The following SAFB variants were observed in gnomAD, a reference collection of about 807,000 sequenced individuals.
SAFB encodes scaffold attachment factor B, also known as scaffold attachment factor B1.
SAFB carries 15 observed loss-of-function variants against 101.6 expected under a neutral mutation model. The observed-to-expected ratio is 0.15, with a 90% CI of 0.10 to 0.23. The LOEUF (loss-of-function observed/expected upper bound fraction) is 0.23. Among genes scored for constraint, SAFB ranks in the 10% least tolerant of loss-of-function variants. The pLI is 1.00. For synonymous variants in SAFB, 449 were observed against 407.5 expected, an observed-to-expected ratio of 1.10 and a Z score of -1.23; for missense variants, 930 against 1,104.1, an observed-to-expected ratio of 0.84 and a Z score of 2.23.
intron 2 of SAFB, among the ~76,000 whole-genome samples, chr19:5,628,945 G>GT (rs775187360): frequency 7.9e-5 from 12 of 152,110 alleles, no homozygotes; most frequent in Non-Finnish European, 1.3e-4. Context: ...TTTTTGTTTT[G>GT]TTTTTGAGGT....
rs759522135 is a variant in SAFB, at chr19:5,649,942, T to G, written c.1165T>G (p.Ser389Ala). Residue 389 changes from serine to alanine, a missense_variant, in exon 8 of 21, where the codon TCG becomes GCG. Ser to Ala is a moderately conservative substitution (Grantham distance 99, BLOSUM62 1). Coordinates refer to ENST00000588852, the MANE Select transcript of SAFB (RefSeq NM_001201338.2). ...DQKMSSPEDD[S>A]DTKRLSKEEK... is the part of the protein sequence containing the mutation. The stretch of plus-strand genomic sequence containing the variant: ...TGTCTCTAGTTCTCCCGAAGATGAC[T>G]CGGATACAAAAAGGCTTTCCAAAGA... The G allele has an allele frequency of 1.2e-6, 2 of 1,614,072 alleles. No individual in the cohort carries two copies. Among genetic ancestry groups the G allele is most frequent in the Admixed American group, 3.3e-5 (2 of 60,024 alleles).
chr19:5,634,945 C>T (rs1277640475), intron 2 of SAFB, among the ~76,000 whole-genome samples: 1 of 152,004 alleles, frequency 6.6e-6, no homozygotes, highest in South Asian at 2.1e-4. Context: ...TGAGACCAGC[C>T]TGGCCAACAT....
chr19:5,623,545 C>G lies in SAFB; in HGVS notation c.189+151C>G, dbSNP rs568594795. 5.4e-5 allele frequency: 35 copies of G among 646,506 alleles called. No individual in the cohort carries two copies. In the South Asian group the frequency reaches 6.7e-4, roughly 12 times the overall value. The allele number at this position is 646,506 out of a possible 1,614,324, so 40.0% of individuals were successfully genotyped here. On this transcript the variant is annotated intron_variant, in intron 1 of 20. Coordinates refer to ENST00000588852, the MANE Select transcript of SAFB (RefSeq NM_001201338.2). ...GCGTCCCCCGGCTCCTCCGAGGCCC[C>G]GGAGAGAGTTCCTTGGCCGGCTGGG... is the stretch of plus-strand genomic sequence containing the variant.
At chr19:5,636,505 A>C in intron 2 of SAFB, among the ~76,000 whole-genome samples, 1 of 152,076 alleles carries the variant, frequency 6.6e-6, no homozygotes, top group East Asian at 1.9e-4. Flanking sequence ...TCATGTATTG[A>C]ATTCTGTTAT....
intron 2 of SAFB, among the ~76,000 whole-genome samples, chr19:5,637,195 T>A (rs2053612889): frequency 6.7e-6 from 1 of 150,300 alleles, no homozygotes; most frequent in African/African-American, 2.4e-5. Context: ...ATACAAAAAA[T>A]AAGCCGGGCG....
intron 2 of SAFB, among the ~76,000 whole-genome samples, chr19:5,635,724 A>G (rs1213153117): frequency 5.3e-5 from 8 of 152,102 alleles, no homozygotes; most frequent in Non-Finnish European, 5.9e-5. Context: ...CAGAAGCTTA[A>G]CAGAAGGCAA....
chr19:5,658,825 A>C (rs2145478245), intron 14 of SAFB, among the ~76,000 whole-genome samples: 1 of 145,470 alleles, frequency 6.9e-6, no homozygotes, highest in Non-Finnish European at 1.5e-5. Context: ...CCTGGGCGAC[A>C]GAGCAAGACT....
intron 4 of SAFB, among the ~76,000 whole-genome samples, chr19:5,644,946 G>A (rs951139328): frequency 6.6e-6 from 1 of 152,240 alleles, no homozygotes; most frequent in Non-Finnish European, 1.5e-5. Context: ...TGGGCGAGCA[G>A]CGGTGGCTGA....
intron 15 of SAFB, 69 bp downstream of exon 15, chr19:5,661,877 A>T: frequency 9.5e-7 from 1 of 1,054,832 alleles, no homozygotes; most frequent in Non-Finnish European, 1.3e-6. Context: ...CAGTCCAGTT[A>T]GCTTGAGATT....
Position 5,653,545 on chromosome 19 carries a change from C to G in SAFB, c.1526+125C>G, listed in dbSNP as rs528881277. 1.1e-5 allele frequency: 8 copies of G among 761,514 alleles called. No individual in the cohort carries two copies. The African/African-American group carries it at 1.1e-4, about 10-fold the overall frequency. The allele number at this position is 761,514 out of a possible 1,614,324, so 47.2% of individuals were successfully genotyped here. On this transcript the variant is annotated intron_variant, in intron 11 of 20. Coordinates refer to ENST00000588852, the MANE Select transcript of SAFB (RefSeq NM_001201338.2). ...GCAGTGGTGTGATCTCGGCTCACCT[C>G]AACTCCACCTCCTGGGTTCAAGCAA...
chr19:5,630,599 T>C (rs1399927872), intron 2 of SAFB, among the ~76,000 whole-genome samples: 4 of 151,244 alleles, frequency 2.6e-5, no homozygotes, highest in Non-Finnish European at 5.9e-5. Context: ...CTACTAAAAA[T>C]ACAAAAATTA....
intron 2 of SAFB, 148 bp from the exon 3 acceptor site, chr19:5,641,446 T>C (rs1420444585): frequency 3.0e-6 from 2 of 663,536 alleles, no homozygotes; most frequent in African/African-American, 1.8e-5. Flanking sequence ...TTGTGCGGAA[T>C]GGCCTCATTC....
At chr19:5,632,219 T>G (rs1308272939) in intron 2 of SAFB, among the ~76,000 whole-genome samples, 3 of 152,178 alleles carry the variant, frequency 2.0e-5, no homozygotes, top group African/African-American at 4.8e-5. Flanking sequence ...CTTGTTTTGT[T>G]CAGTTTTTGT....
chr19:5,655,874 A>G (rs2054047971), intron 13 of SAFB, among the ~76,000 whole-genome samples: 1 of 152,246 alleles, frequency 6.6e-6, no homozygotes, highest in Admixed American at 6.5e-5. Context: ...GTGTACCGGA[A>G]GTGCTTCATT....
Position 5,653,179 on chromosome 19 carries a change from C to G in SAFB, c.1358C>G (p.Thr453Arg). Reference protein sequence around the residue: ...SPGARCYGFVTMSTAEEATKC... With the variant: ...SPGARCYGFVRMSTAEEATKC... ...GGAGCTCGCTGTTACGGTTTTGTCA[C>G]GATGTCCACAGCAGAAGAGGCCACA... Residue 453 changes from threonine to arginine, a missense_variant, in exon 10 of 21, where the codon ACG (threonine) becomes AGG (arginine). By Grantham distance (71) the Thr-to-Arg change is moderately conservative. Transcript: ENST00000588852. 1 of 1,614,040 alleles carries G rather than the reference C, an allele frequency of 6.2e-7. No individual in the cohort carries two copies. Among genetic ancestry groups the G allele is most frequent in the Non-Finnish European group, 8.5e-7 (1 of 1,180,006 alleles).
At chr19:5,633,448 C>T (rs2053530728) in intron 2 of SAFB, among the ~76,000 whole-genome samples, 1 of 152,164 alleles carries the variant, frequency 6.6e-6, no homozygotes, top group Non-Finnish European at 1.5e-5. Context: ...GCCATTTCTT[C>T]CAGGTGCCCT....
intron 1 of SAFB, chr19:5,623,879 C>T (rs1049751179): frequency 1.3e-5 from 2 of 153,998 alleles, no homozygotes; most frequent in African/African-American, 4.8e-5. Context: ...ACCGACCAGC[C>T]TGAATCGGGG....
chr19:5,626,358 G>A (rs1044918678), intron 1 of SAFB, 47 bp from the exon 2 acceptor site: 18 of 1,085,122 alleles, frequency 1.7e-5, no homozygotes, highest in Non-Finnish European at 2.4e-5. Context: ...TGAAAGCAGT[G>A]TGTGAGCTGA....
Position 5,653,871 on chromosome 19 carries a change from C to A in SAFB, c.1527-190C>A, listed in dbSNP as rs181143003. ...CTCCCTGGCTCAACCAATTCTCATG[C>A]CTCAGCCTCCCGATTTGCTTGGATT... On this transcript the variant is annotated intron_variant, in intron 11 of 20. Transcript: ENST00000588852. Among the ~76,000 whole-genome samples the A allele has an allele frequency of 1.4e-4, 22 of 151,888 alleles. No homozygotes were observed. The East Asian group carries it at 4.1e-3, about 28-fold the overall frequency.
Sources: gnomAD v4.1 joint callset for allele counts (sites outside exome capture counted in the v4.1 genomes callset) on GRCh38, gnomAD v4.1.1 for gene constraint, MANE v1.5 for transcripts, NCBI Gene and HGNC (gene_info 2026-07-23, HGNC 2026-07-21) for gene names.